ZNF644: variants seen among roughly 807,000 people sequenced by gnomAD.
ZNF644 encodes zinc finger protein 644, also known as zinc finger motif enhancer binding protein 2.
A neutral mutation model predicts 108.0 loss-of-function variants in ZNF644; 20 were observed. That is an observed-to-expected ratio of 0.19 (90% CI 0.13 to 0.27). ZNF644 has a LOEUF of 0.27. Among genes scored for constraint, ZNF644 ranks in the 10% least tolerant of loss-of-function variants. The probability of loss-of-function intolerance (pLI) is 1.00; values close to 1 mark genes in which losing one functional copy is unlikely to be tolerated. For synonymous variants in ZNF644, 542 were observed against 539.1 expected, an observed-to-expected ratio of 1.01 and a Z score of -0.08; for missense variants, 1,338 against 1,548.9, an observed-to-expected ratio of 0.86 and a Z score of 2.29.
chr1:90,932,231 TAAG>T (rs930181267), intron 4 of ZNF644, among the ~76,000 whole-genome samples: 1 of 152,168 alleles, frequency 6.6e-6, no homozygotes, highest in African/African-American at 2.4e-5. Context: ...CTGTGGCTTC[TAAG>T]AAGGCTTGAA....
chr1:91,015,885 CACTT>C (rs993085272), intron 1 of ZNF644, among the ~76,000 whole-genome samples: 1 of 152,106 alleles, frequency 6.6e-6, no homozygotes, highest in Non-Finnish European at 1.5e-5. Context: ...TAACAGGTAA[CACTT>C]ACTTTACTCA....
At chr1:90,980,753 C>A (rs1172965020) in intron 2 of ZNF644, among the ~76,000 whole-genome samples, 3 of 152,020 alleles carry the variant, frequency 2.0e-5, no homozygotes, top group Non-Finnish European at 4.4e-5. Context: ...CAAGAACAGG[C>A]AAAACTAAAT....
intron 1 of ZNF644, among the ~76,000 whole-genome samples, chr1:91,002,614 C>A (rs931816266): frequency 6.6e-6 from 1 of 152,150 alleles, no homozygotes; most frequent in Non-Finnish European, 1.5e-5. Flanking sequence ...AGGACACAGG[C>A]ATGGGTAAAG....
intron 1 of ZNF644, among the ~76,000 whole-genome samples, chr1:91,013,983 T>C (rs974927229): frequency 7.5e-4 from 115 of 152,342 alleles, no homozygotes; most frequent in African/African-American, 2.7e-3. Flanking sequence ...TGGCTCAACT[T>C]ATATTTCTAT....
At chr1:90,948,528 G>A (rs77721654) in intron 2 of ZNF644, among the ~76,000 whole-genome samples, 18,465 of 152,154 alleles carry the variant, frequency 0.12, 1,157 homozygotes, top group South Asian at 0.16. Flanking sequence ...CAAAATCTAC[G>A]CATACTTAAG....
At position 90,938,132 on chromosome 1, in the gene ZNF644, T is replaced by C. The variant is rs781527074; in HGVS notation, c.3083-42A>G. 2 of 1,608,448 alleles carry C rather than the reference T, an allele frequency of 1.2e-6. No individual in the cohort carries two copies. Among genetic ancestry groups the C allele is most frequent in the Non-Finnish European group, 1.7e-6 (2 of 1,177,314 alleles). Reference sequence around the variant, plus strand: ...AAGAGTAATATCAGACTTTCTTATATAAACTGACCACCCTAAAATGAGTTA... The same window carrying C: ...AAGAGTAATATCAGACTTTCTTATACAAACTGACCACCCTAAAATGAGTTA... On this transcript the variant is annotated intron_variant, in intron 3 of 5. Coordinates refer to ENST00000337393, the MANE Select transcript of ZNF644 (RefSeq NM_201269.3). This position sits in a 1 kb window ranked among gnomAD's most constrained non-coding sequence, Gnocchi z 4.2.
intron 1 of ZNF644, among the ~76,000 whole-genome samples, chr1:91,015,678 A>G (rs1395679763): frequency 8.5e-5 from 13 of 152,162 alleles, no homozygotes; most frequent in Admixed American, 8.5e-4. Context: ...CCTGGTTATA[A>G]GATTCTGCTG....
chr1:91,010,364 G>C (rs1489040959), intron 1 of ZNF644, among the ~76,000 whole-genome samples: 1 of 147,956 alleles, frequency 6.8e-6, no homozygotes, highest in African/African-American at 2.5e-5. Context: ...TCAGCTTCCC[G>C]AATAGCTGGG....
intron 1 of ZNF644, among the ~76,000 whole-genome samples, chr1:91,012,388 G>A (rs899463280): frequency 4.6e-5 from 7 of 152,010 alleles, no homozygotes; most frequent in Non-Finnish European, 1.0e-4. Context: ...TGAAGGAGGA[G>A]GATCGCTTGA....
intron 2 of ZNF644, among the ~76,000 whole-genome samples, chr1:90,955,554 T>C (rs1653673047): frequency 6.6e-6 from 1 of 152,238 alleles, no homozygotes; most frequent in Non-Finnish European, 1.5e-5. Flanking sequence ...GCTGCATCAC[T>C]TTGAGCTTTT....
At chr1:90,983,643 G>A (rs887309690) in intron 1 of ZNF644, among the ~76,000 whole-genome samples, 2 of 151,964 alleles carry the variant, frequency 1.3e-5, no homozygotes, top group African/African-American at 2.4e-5. Context: ...GACAAGCGGA[G>A]AGGCCGGGCA....
intron 2 of ZNF644, among the ~76,000 whole-genome samples, chr1:90,946,072 G>C (rs573782705): frequency 6.6e-6 from 1 of 151,874 alleles, no homozygotes; most frequent in African/African-American, 2.4e-5. Flanking sequence ...TATGAGATTG[G>C]GTCAAGAAGA....
chr1:90,972,543 C>A (rs1655602746), intron 2 of ZNF644, among the ~76,000 whole-genome samples: 1 of 152,168 alleles, frequency 6.6e-6, no homozygotes, highest in Non-Finnish European at 1.5e-5. Flanking sequence ...GCAGCCACTA[C>A]AGAAAACTAT....
chr1:90,970,530 G>C, intron 2 of ZNF644, among the ~76,000 whole-genome samples: 1 of 152,120 alleles, frequency 6.6e-6, no homozygotes. Flanking sequence ...TGCTGTACTT[G>C]AAGACTTTTT....
At position 90,938,580 on chromosome 1, in the gene ZNF644, C is replaced by G; in HGVS notation, c.2774G>C (p.Gly925Ala). ...GFYFEYYEDT[G>A]SNNFLHEIHD... ...TATCTCATGCAAAAAGTTGTTACTT[C>G]CAGTATCTTCATAGTATTCAAAATA... The change falls in exon 3 of 6, where the codon GGA (glycine) becomes GCA (alanine). Residue 925 changes from glycine (G) to alanine (A), a missense_variant. Physicochemically the swap from Gly to Ala is moderately conservative, Grantham distance 60. Coordinates refer to ENST00000337393, the MANE Select transcript of ZNF644 (RefSeq NM_201269.3). This position sits in a 1 kb window ranked among gnomAD's most constrained non-coding sequence, Gnocchi z 4.2. 6.2e-7 allele frequency: 1 copy of G among 1,613,790 alleles called. No individual in the cohort carries two copies. The highest frequency in any genetic ancestry group is 1.1e-5 in the South Asian group (1 of 91,056).
At position 90,941,154 on chromosome 1, in the gene ZNF644, T is replaced by C. The variant is rs756749122; in HGVS notation, c.200A>G (p.Gln67Arg). Residue 67 changes from glutamine to arginine, a missense_variant, in exon 3 of 6, where the codon CAG (glutamine) becomes CGG (arginine). Coordinates refer to ENST00000337393, the MANE Select transcript of ZNF644 (RefSeq NM_201269.3). ...HKPKDCQTSF[Q>R]KNNTLTLPEE... ...AGGCAGAGTCAACGTATTATTTTTC[T>C]GAAATGATGTTTGACAATCTTTTGG... is the stretch of plus-strand genomic sequence containing the variant. The C allele has an allele frequency of 6.2e-7, 1 of 1,613,284 alleles. No individual in the cohort carries two copies. Among genetic ancestry groups the C allele is most frequent in the South Asian group, 1.1e-5 (1 of 90,824 alleles).
chr1:91,003,902 A>C (rs1308992561), intron 1 of ZNF644, among the ~76,000 whole-genome samples: 1 of 152,132 alleles, frequency 6.6e-6, no homozygotes, highest in African/African-American at 2.4e-5. Flanking sequence ...AAAGATAAAA[A>C]ATTATGAGAA....
intron 1 of ZNF644, among the ~76,000 whole-genome samples, chr1:90,996,223 T>C (rs1342833932): frequency 6.6e-6 from 1 of 152,134 alleles, no homozygotes; most frequent in Non-Finnish European, 1.5e-5. Context: ...ATATCTAAAA[T>C]AATTTAAAAC....
intron 1 of ZNF644, among the ~76,000 whole-genome samples, chr1:91,002,704 C>T (rs1433758445): frequency 6.6e-6 from 1 of 152,150 alleles, no homozygotes; most frequent in Non-Finnish European, 1.5e-5. Flanking sequence ...TAAAGAGCTT[C>T]TGCACAGCAA....
Sources: allele counts gnomAD v4.1 joint callset (sites outside exome capture counted in the v4.1 genomes callset), GRCh38; gene constraint gnomAD v4.1.1; non-coding constraint Gnocchi (gnomAD v3.1); transcripts MANE v1.5; gene names NCBI Gene and HGNC (gene_info 2026-07-23, HGNC 2026-07-21).